AGBL1: variants seen among roughly 807,000 people sequenced by gnomAD.
AGBL1 encodes the protein cytosolic carboxypeptidase 4.
In AGBL1, 130 loss-of-function variants were observed where a neutral mutation model predicts 118.9. The ratio of observed to expected loss-of-function variants is 1.09; its 90% CI spans 0.95 to 1.26. AGBL1 has a LOEUF of 1.26. Ranked by LOEUF, AGBL1 falls within the 50% of genes most tolerant of loss-of-function variation. The pLI is 0.00. For missense variants in AGBL1, 1,584 were observed against 1,298.1 expected, an observed-to-expected ratio of 1.22 and a Z score of -3.38; for synonymous variants, 555 against 478.9, an observed-to-expected ratio of 1.16 and a Z score of -2.08.
rs1208045871 is a variant in AGBL1, at chr15:86,330,603, G to A, written c.2374+35195G>A. ...TGTAGTGATACCACCAAAGGATCTCGCTAGCTCTCCAGCAATGGTCTCTAA... is the reference window on the plus strand; with the variant it reads ...TGTAGTGATACCACCAAAGGATCTCACTAGCTCTCCAGCAATGGTCTCTAA... On this transcript the variant is annotated intron_variant, in intron 17 of 22. Coordinates refer to ENST00000614907, the MANE Select transcript of AGBL1 (RefSeq NM_001386094.1). Among the ~76,000 whole-genome samples the A allele has an allele frequency of 7.2e-5, 11 of 152,258 alleles. No homozygotes were observed. The East Asian group carries it at 2.1e-3, about 29-fold the overall frequency.
intron 1 of AGBL1, among the ~76,000 whole-genome samples, chr15:86,095,511 G>C (rs1017209979): frequency 1.3e-5 from 2 of 152,024 alleles, no homozygotes; most frequent in Non-Finnish European, 2.9e-5. Context: ...AGGGACCAGG[G>C]ACTAAGACCA....
chr15:86,943,740 T>C (rs2080782948), intron 23 of AGBL1, among the ~76,000 whole-genome samples: 2 of 152,216 alleles, frequency 1.3e-5, no homozygotes, highest in Admixed American at 1.3e-4. Context: ...GCACAGCTGC[T>C]GGCATTTCCC....
At chr15:86,380,156 A>T (rs1042200786) in intron 17 of AGBL1, among the ~76,000 whole-genome samples, 29 of 152,002 alleles carry the variant, frequency 1.9e-4, no homozygotes, top group African/African-American at 7.0e-4. Context: ...AAAAATTCTC[A>T]CATGATAGAC....
At chr15:86,461,936 C>T (rs976464569) in intron 18 of AGBL1, among the ~76,000 whole-genome samples, 3 of 152,164 alleles carry the variant, frequency 2.0e-5, no homozygotes, top group Non-Finnish European at 2.9e-5. Flanking sequence ...TTGCAACATC[C>T]GTTGCTTCAA....
intron 18 of AGBL1, among the ~76,000 whole-genome samples, chr15:86,438,097 G>A (rs2082020256): frequency 6.6e-6 from 1 of 151,938 alleles, no homozygotes; most frequent in South Asian, 2.1e-4. Context: ...TAGTAGAAAT[G>A]GGATTTCACC....
intron 22 of AGBL1, among the ~76,000 whole-genome samples, chr15:86,861,557 G>C (rs1268987284): frequency 6.6e-6 from 1 of 152,086 alleles, no homozygotes; most frequent in Admixed American, 6.5e-5. Flanking sequence ...GTGTGACCTT[G>C]GTAACTTAAA....
At chr15:86,678,395 T>G (rs1455264180) in intron 22 of AGBL1, among the ~76,000 whole-genome samples, 2 of 152,178 alleles carry the variant, frequency 1.3e-5, no homozygotes, top group African/African-American at 2.4e-5. Flanking sequence ...ATTTGATGTT[T>G]TCTGATGCAG....
At chr15:86,508,653 T>C (rs990667274) in intron 18 of AGBL1, among the ~76,000 whole-genome samples, 3 of 152,116 alleles carry the variant, frequency 2.0e-5, no homozygotes, top group Non-Finnish European at 4.4e-5. Context: ...AAAAGCCCTA[T>C]ATTGATGATC....
At position 87,018,076 on chromosome 15, in the gene AGBL1, A is replaced by G. The variant is rs574913947; in HGVS notation, c.3324-10749A>G. Among the ~76,000 whole-genome samples, 3 of 152,334 alleles carry G rather than the reference A, an allele frequency of 2.0e-5. No individual in the cohort carries two copies. The South Asian group carries it at 6.2e-4, about 32-fold the overall frequency. On this transcript the variant is annotated intron_variant, in intron 24 of 24. Coordinates refer to the AGBL1 transcript ENST00000441037. The stretch of plus-strand genomic sequence containing the variant: ...AATAGGCAGATAAGAATAGAGAAAA[A>G]TAATGAAAAGGAATGAACAAAACCT...
Position 86,221,468 on chromosome 15 carries a change from C to T in AGBL1, c.489-3446C>T, listed in dbSNP as rs565045307. On this transcript the variant is annotated intron_variant, in intron 5 of 22. Coordinates refer to ENST00000614907, the MANE Select transcript of AGBL1 (RefSeq NM_001386094.1). ...CAGTTGGTTGACAGAGTAGTTGCCT[C>T]GGCTCTGATAGGTTTTACTTCTTTC... Among the ~76,000 whole-genome samples, 33 of 152,298 alleles carry T rather than the reference C, an allele frequency of 2.2e-4. No homozygotes were observed. The South Asian group carries it at 2.7e-3, about 12-fold the overall frequency.
intron 22 of AGBL1, among the ~76,000 whole-genome samples, chr15:86,793,251 C>T (rs1205398506): frequency 1.3e-5 from 2 of 152,062 alleles, no homozygotes; most frequent in Non-Finnish European, 1.5e-5. Flanking sequence ...ATTAACTTGA[C>T]CAAAAGAATA....
At chr15:86,972,790 A>G (rs936971305) in intron 23 of AGBL1, among the ~76,000 whole-genome samples, 2 of 152,014 alleles carry the variant, frequency 1.3e-5, no homozygotes, top group East Asian at 1.9e-4. Flanking sequence ...ATGCTAATCT[A>G]TTGCAAGTCT....
intron 23 of AGBL1, among the ~76,000 whole-genome samples, chr15:86,932,002 G>A (rs938942314): frequency 6.6e-6 from 1 of 152,164 alleles, no homozygotes; most frequent in Admixed American, 6.5e-5. Flanking sequence ...CAAAATGAAT[G>A]TAATTGTGGA....
At chr15:86,543,988 G>C (rs1193698257) in intron 19 of AGBL1, among the ~76,000 whole-genome samples, 1 of 152,194 alleles carries the variant, frequency 6.6e-6, no homozygotes, top group Non-Finnish European at 1.5e-5. Context: ...GACTGATACT[G>C]TAATGGAATG....
At chr15:86,887,050 C>T (rs2079980630) in intron 22 of AGBL1, among the ~76,000 whole-genome samples, 1 of 152,112 alleles carries the variant, frequency 6.6e-6, no homozygotes, top group South Asian at 2.1e-4. Context: ...AGGTTTTGCT[C>T]ATAATATGTG....
intron 22 of AGBL1, among the ~76,000 whole-genome samples, chr15:86,862,077 G>C (rs2079566089): frequency 6.6e-6 from 1 of 152,046 alleles, no homozygotes; most frequent in Non-Finnish European, 1.5e-5. Flanking sequence ...CTATAGCATT[G>C]CTTTCTCATT....
rs986198730 is a variant in AGBL1, at chr15:86,776,838, T to A, written c.3158+102402T>A. ...AATTTGTTAATAAAACAGGTTTTTT[T>A]AAAAAATCAACTTTTAGACACGGGA... On this transcript the variant is annotated intron_variant, in intron 22 of 22. Transcript: ENST00000614907. Among the ~76,000 whole-genome samples the A allele has an allele frequency of 8.6e-5, 13 of 151,670 alleles. No individual in the cohort carries two copies. The South Asian group carries it at 1.5e-3, about 17-fold the overall frequency.
At chr15:86,739,509 A>T (rs1172417014) in intron 22 of AGBL1, among the ~76,000 whole-genome samples, 1 of 140,632 alleles carries the variant, frequency 7.1e-6, no homozygotes, top group Non-Finnish European at 1.5e-5. Context: ...ATCAAGATTC[A>T]TTTTTTTTTT....
In AGBL1 at chr15:86,581,920, A is replaced by T. The variant is rs146808489; in HGVS notation, c.2994+27383A>T. On this transcript the variant is annotated intron_variant, in intron 21 of 22. Coordinates refer to ENST00000614907, the MANE Select transcript of AGBL1 (RefSeq NM_001386094.1). ...TGAGGATCTTATGTAATAATTATGG[A>T]TATATGACAGGCATGAGATCCTAAA... 2.4e-3 allele frequency among the ~76,000 whole-genome samples: 366 copies of T among 152,296 alleles called. 1 individual carries two copies. Among genetic ancestry groups the T allele is most frequent in the Non-Finnish European group, 4.3e-3 (292 of 68,020 alleles).
Sources: gnomAD v4.1 joint callset for allele counts (sites outside exome capture counted in the v4.1 genomes callset) on GRCh38, gnomAD v4.1.1 for gene constraint, MANE v1.5 for transcripts, NCBI Gene and HGNC (gene_info 2026-07-23, HGNC 2026-07-21) for gene names.